The following KDM6A variants were observed in gnomAD, a reference collection of about 807,000 sequenced individuals.
The protein encoded by KDM6A is lysine-specific demethylase 6A.
In KDM6A, 11 loss-of-function variants were observed where a neutral mutation model predicts 117.6. The ratio of observed to expected loss-of-function variants is 0.09; its 90% CI spans 0.06 to 0.15. The LOEUF (loss-of-function observed/expected upper bound fraction) is 0.15. KDM6A is among the 10% of genes least tolerant of loss of function. The probability of loss-of-function intolerance (pLI) is 1.00; values close to 1 mark genes in which losing one functional copy is unlikely to be tolerated. For missense variants in KDM6A, 799 were observed against 1,077.3 expected (o/e 0.74, Z 3.62); for synonymous variants, 384 against 396.1 (o/e 0.97, Z 0.36).
At chrX:45,033,083 T>TTAGG (rs1176993970) in intron 6 of KDM6A, among the ~76,000 whole-genome samples, 1 of 111,856 alleles carries the variant, frequency 8.9e-6, no homozygotes, top group East Asian at 2.8e-4. Flanking sequence ...GATGGCTCAG[T>TTAGG]TAGGAATGGT....
chrX:44,965,690 C>T (rs1345878502), intron 3 of KDM6A, among the ~76,000 whole-genome samples: 1 of 111,439 alleles, frequency 9.0e-6, no homozygotes, highest in Admixed American at 9.5e-5. Flanking sequence ...CACCAAAGAT[C>T]GGTGATCACA....
rs1396565624 is a variant in KDM6A at position 45,089,786 on chromosome X, G to C, written c.3748G>C (p.Glu1250Gln). The change falls in exon 26 of 30, where the codon GAA becomes CAA. Residue 1250 changes from glutamate (E) to glutamine (Q), a missense_variant. Glu to Gln is a conservative substitution (Grantham distance 29, BLOSUM62 2). Coordinates refer to ENST00000611820, the MANE Select transcript of KDM6A (RefSeq NM_001291415.2). ...FLMGSWWPNL[E>Q]DLYEANVPVY... ...AATGGGTTCTTGGTGGCCCAATCTT[G>C]AAGATCTTTATGAAGCAAATGTTCC... is the stretch of plus-strand genomic sequence containing the variant. 8.3e-7 allele frequency: 1 copy of C among 1,207,150 alleles called. No individual in the cohort carries two copies. The highest frequency in any genetic ancestry group is 1.8e-5 in the African/African-American group (1 of 56,870).
intron 3 of KDM6A, among the ~76,000 whole-genome samples, chrX:44,963,473 G>GTGTGTGTC (rs1569485586): frequency 1.4e-4 from 5 of 35,700 alleles, no homozygotes; most frequent in African/African-American, 3.2e-4. Context: ...GTGTGTGTGT[G>GTGTGTGTC]TGTGTGTGTG....
chrX:45,092,330 T>G (rs1401761471), intron 27 of KDM6A, among the ~76,000 whole-genome samples: 1 of 111,530 alleles, frequency 9.0e-6, no homozygotes, highest in African/African-American at 3.3e-5. Flanking sequence ...TAGATTAGGA[T>G]TTTATAATTG....
intron 18 of KDM6A, among the ~76,000 whole-genome samples, chrX:45,073,428 C>G (rs1465194370): frequency 9.0e-6 from 1 of 111,723 alleles, no homozygotes; most frequent in Admixed American, 9.5e-5. Flanking sequence ...TATTCTAGCT[C>G]TTGATCCTTG....
At chrX:44,994,879 A>G (rs2040791944) in intron 4 of KDM6A, among the ~76,000 whole-genome samples, 1 of 111,733 alleles carries the variant, frequency 8.9e-6, no homozygotes, top group Non-Finnish European at 1.9e-5. Context: ...TGGTTATGAC[A>G]GGGCAGGTAA....
intron 4 of KDM6A, among the ~76,000 whole-genome samples, chrX:44,995,656 A>G (rs1417517905): frequency 1.8e-5 from 2 of 110,424 alleles, no homozygotes; most frequent in African/African-American, 6.6e-5. Flanking sequence ...TTTAATAGCG[A>G]CTGAGTTTCC....
At chrX:45,088,128 ACATG>A (rs1023515708) in intron 25 of KDM6A, among the ~76,000 whole-genome samples, 2 of 111,691 alleles carry the variant, frequency 1.8e-5, no homozygotes, top group African/African-American at 6.5e-5. Flanking sequence ...TAATGGCAAT[ACATG>A]GGTGAAATAA....
chrX:44,896,654 T>C (rs2033888680), intron 2 of KDM6A, among the ~76,000 whole-genome samples: 1 of 103,664 alleles, frequency 9.6e-6, no homozygotes, highest in Non-Finnish European at 2.0e-5. Flanking sequence ...ACAGCTTCTT[T>C]AGCTGTTCTT....
At chrX:45,024,086 T>C (rs1303453789) in intron 6 of KDM6A, among the ~76,000 whole-genome samples, 1 of 112,426 alleles carries the variant, frequency 8.9e-6, no homozygotes, top group Non-Finnish European at 1.9e-5. Context: ...CAAATTGTGC[T>C]GCTATAAACA....
chrX:45,104,609 ACTTGCT>A, intron 27 of KDM6A, among the ~76,000 whole-genome samples: 1 of 110,832 alleles, frequency 9.0e-6, no homozygotes, highest in Non-Finnish European at 1.9e-5. Flanking sequence ...CTTTTTTAGG[ACTTGCT>A]CATTACTGTG....
Position 45,062,670 on chromosome X carries a change from T to C in KDM6A, c.1605T>C (p.Asn535=), listed in dbSNP as rs746859547. ...AGCATTTGGAACAGCTCCGCGCAAA[T>C]AGAAATAATTTAAATCCAGCACAGA... ...KLQHLEQLRA[N]RNNLNPAQKL... The change falls in exon 16 of 30, where the codon AAT becomes AAC. Residue 535 remains asparagine, a synonymous_variant. Transcript: ENST00000611820. 1.7e-6 allele frequency: 2 copies of C among 1,205,721 alleles called. No individual in the cohort carries two copies. Among genetic ancestry groups the C allele is most frequent in the East Asian group, 5.9e-5 (2 of 33,730 alleles).
intron 2 of KDM6A, among the ~76,000 whole-genome samples, chrX:44,933,656 C>T (rs758578800): frequency 8.1e-5 from 9 of 111,092 alleles, no homozygotes; most frequent in South Asian, 3.8e-4. Flanking sequence ...CGGCTCACTG[C>T]AACCTCTGCC....
chrX:44,934,087 A>G (rs1176914670), intron 2 of KDM6A, among the ~76,000 whole-genome samples: 1 of 112,150 alleles, frequency 8.9e-6, no homozygotes, highest in Non-Finnish European at 1.9e-5. Context: ...ATTGTTTTCT[A>G]TAGGTTCCTA....
intron 4 of KDM6A, among the ~76,000 whole-genome samples, chrX:44,999,222 TC>T (rs1429426694): frequency 1.8e-5 from 2 of 112,210 alleles, no homozygotes; most frequent in East Asian, 5.6e-4. Flanking sequence ...TATAAAATTT[TC>T]TTTTTAATTC....
intron 2 of KDM6A, among the ~76,000 whole-genome samples, chrX:44,917,743 C>G (rs2035650555): frequency 8.9e-6 from 1 of 111,919 alleles, no homozygotes; most frequent in Admixed American, 9.5e-5. Flanking sequence ...ACTAAGATCT[C>G]ACAGTTACCA....
At chrX:44,908,009 T>C (rs1026682543) in intron 2 of KDM6A, among the ~76,000 whole-genome samples, 1 of 110,411 alleles carries the variant, frequency 9.1e-6, no homozygotes. Context: ...TAATTTTTTA[T>C]TGGGGTAGGG....
At chrX:45,099,695 G>A (rs1401042393) in intron 27 of KDM6A, among the ~76,000 whole-genome samples, 1 of 111,756 alleles carries the variant, frequency 8.9e-6, no homozygotes, top group Non-Finnish European at 1.9e-5. Context: ...ATAGTATATG[G>A]TTTTTATCCT....
chrX:45,030,732 C>CA (rs1299701587), intron 6 of KDM6A, among the ~76,000 whole-genome samples: 6 of 111,060 alleles, frequency 5.4e-5, no homozygotes, highest in African/African-American at 2.0e-4. Flanking sequence ...TTTTTTGAGA[C>CA]AAAATCTCAC....
Sources: allele counts gnomAD v4.1 joint callset (sites outside exome capture counted in the v4.1 genomes callset), GRCh38; gene constraint gnomAD v4.1.1; transcripts MANE v1.5; gene names NCBI Gene and HGNC (gene_info 2026-07-23, HGNC 2026-07-21).